Variants in SLC45A2 observed in about 807,000 individuals in gnomAD.
The protein encoded by SLC45A2 is solute carrier family 45 member 2.
Under a neutral mutation model 45.5 loss-of-function variants are expected in SLC45A2, and 36 were observed. That is an observed-to-expected ratio of 0.79 (90% CI 0.61 to 1.04). SLC45A2 has a LOEUF of 1.04. Among genes scored for constraint, SLC45A2 ranks in the 50% least tolerant of loss-of-function variants. The pLI, the probability that SLC45A2 is intolerant of heterozygous loss-of-function variation, is 0.00. For missense variants in SLC45A2, 719 were observed against 671.0 expected, an observed-to-expected ratio of 1.07 and a Z score of -0.79; for synonymous variants, 306 against 269.3, an observed-to-expected ratio of 1.14 and a Z score of -1.33.
intron 2 of SLC45A2, among the ~76,000 whole-genome samples, chr5:33,965,436 T>C (rs190832627): frequency 3.9e-5 from 6 of 152,338 alleles, no homozygotes; most frequent in East Asian, 1.9e-4. Flanking sequence ...AATCTAATCA[T>C]TGGATTCCAA....
chr5:33,944,920 T>C (rs1218871707), intron 6 of SLC45A2, 48 bp from the exon 7 acceptor site: 32 of 1,566,298 alleles, frequency 2.0e-5, no homozygotes, highest in Non-Finnish European at 2.8e-5. Flanking sequence ...GGAACTGTCA[T>C]TTAGGGCACA....
intron 3 of SLC45A2, 35 bp downstream of exon 3, chr5:33,963,656 T>C: frequency 6.2e-7 from 1 of 1,605,540 alleles, no homozygotes; most frequent in South Asian, 1.1e-5. Flanking sequence ...AGCAAGAATA[T>C]TTTCCCTTGT....
intron 3 of SLC45A2, among the ~76,000 whole-genome samples, chr5:33,955,333 G>T (rs1191148860): frequency 2.6e-5 from 4 of 152,202 alleles, no homozygotes; most frequent in African/African-American, 9.7e-5. Context: ...TTCCAGATGA[G>T]AATACAGCTC....
At chr5:33,950,368 G>A (rs1752063322) in intron 5 of SLC45A2, among the ~76,000 whole-genome samples, 4 of 152,114 alleles carry the variant, frequency 2.6e-5, no homozygotes, top group South Asian at 2.1e-4. Context: ...TTGCACACTC[G>A]AAGAGGAAGA....
intron 2 of SLC45A2, chr5:33,971,559 C>T (rs897024636): frequency 4.2e-6 from 1 of 240,506 alleles, no homozygotes; most frequent in South Asian, 5.6e-5. Context: ...CCACCTCAGC[C>T]TCCGGAGTGG....
rs760593479 is a variant in SLC45A2 at position 33,944,829 on chromosome 5, C to T, written c.1412G>A (p.Gly471Glu). 4.3e-6 allele frequency: 7 copies of T among 1,613,958 alleles called. No individual in the cohort carries two copies. Among genetic ancestry groups the T allele is most frequent in the Non-Finnish European group, 5.1e-6 (6 of 1,179,988 alleles). Reference sequence around the variant, plus strand: ...GAGGGTGGCGCAGTCCATGCCCTTCCCTCTCACGCTGTTGTCTGGGTCCCC... The same window carrying T: ...GAGGGTGGCGCAGTCCATGCCCTTCTCTCTCACGCTGTTGTCTGGGTCCCC... Reference protein sequence around the residue: ...PGGDPDNSVRGKGMDCATLTC... With the variant: ...PGGDPDNSVREKGMDCATLTC... Residue 471 changes from glycine to glutamate, a missense_variant, in exon 7 of 7, where the codon GGG (glycine) becomes GAG (glutamate). By Grantham distance (98) the Gly-to-Glu change is moderately conservative. Transcript: ENST00000296589.
At chr5:33,972,092 A>G (rs750570745) in intron 2 of SLC45A2, 8 of 511,508 alleles carry the variant, frequency 1.6e-5, no homozygotes, top group Non-Finnish European at 3.2e-5. Context: ...AGACAAGCAC[A>G]TTGGTGAAAG....
chr5:33,944,644 T>C lies in SLC45A2; in HGVS notation c.*4A>G, dbSNP rs748749994. The C allele has an allele frequency of 7.4e-6, 12 of 1,613,902 alleles. No individual in the cohort carries two copies. Among genetic ancestry groups the C allele is most frequent in the African/African-American group, 2.7e-5 (2 of 74,928 alleles). On this transcript the variant is annotated 3_prime_UTR_variant, in exon 7 of 7. Coordinates refer to ENST00000296589, the MANE Select transcript of SLC45A2 (RefSeq NM_016180.5). ...GAGGTTAGGGTCATTGTCTCTTTAT[T>C]GACCTAATCCACATATCTAACAAAG...
At chr5:33,983,457 T>C (rs1303485944) in intron 1 of SLC45A2, among the ~76,000 whole-genome samples, 1 of 152,244 alleles carries the variant, frequency 6.6e-6, no homozygotes, top group Non-Finnish European at 1.5e-5. Flanking sequence ...CTCCTGGAAA[T>C]ATCCTACATT....
intron 4 of SLC45A2, among the ~76,000 whole-genome samples, chr5:33,953,812 C>A (rs1752188830): frequency 9.8e-6 from 1 of 102,152 alleles, no homozygotes; most frequent in Admixed American, 1.2e-4. Flanking sequence ...ATTCAGGAAA[C>A]CCATCTCACG....
chr5:33,976,488 T>TA (rs1325666705), intron 2 of SLC45A2, among the ~76,000 whole-genome samples: 2 of 152,232 alleles, frequency 1.3e-5, no homozygotes, highest in Non-Finnish European at 2.9e-5. Flanking sequence ...CTGGACTGTT[T>TA]ATCTAAGCTG....
At position 33,969,137 on chromosome 5, in the gene SLC45A2, A is replaced by C. The variant is rs1752705022; in HGVS notation, c.563-5121T>G. Among the ~76,000 whole-genome samples, 4 of 151,010 alleles carry C rather than the reference A, an allele frequency of 2.6e-5. 1 individual carries two copies. The South Asian group carries it at 8.4e-4, about 32-fold the overall frequency. ...TTTGTTTATCAATAGAAATTGTTAG[A>C]GCACCTATCTTCACCAGGAACTGTG... On this transcript the variant is annotated intron_variant, in intron 2 of 6. Coordinates refer to ENST00000296589, the MANE Select transcript of SLC45A2 (RefSeq NM_016180.5).
In SLC45A2 at chr5:33,963,794, G is replaced by C; in HGVS notation, c.785C>G (p.Ser262Ter). The C allele has an allele frequency of 1.2e-6, 2 of 1,614,114 alleles. No individual in the cohort carries two copies. Among genetic ancestry groups the C allele is most frequent in the Non-Finnish European group, 1.7e-6 (2 of 1,180,000 alleles). Residue 262 changes from serine (S) to a stop codon, truncating the protein, a stop_gained, in exon 3 of 7, where the codon TCA (serine) becomes TGA (stop). Coordinates refer to ENST00000296589, the MANE Select transcript of SLC45A2 (RefSeq NM_016180.5). LOFTEE classifies it high-confidence loss of function. ...AGAACCATACTCGTACATTCCATCT[G>C]ATGACAATGGAGGGTCCTGAGGGGT... ...QQTPQDPPLSSDGMYEYGSIE... is the reference protein window; with the variant it reads ...QQTPQDPPLS
intron 2 of SLC45A2, among the ~76,000 whole-genome samples, chr5:33,969,544 T>A (rs1243764800): frequency 6.6e-6 from 1 of 152,166 alleles, no homozygotes; most frequent in African/African-American, 2.4e-5. Flanking sequence ...TATGTAACAG[T>A]AGAGAGCAGA....
intron 2 of SLC45A2, among the ~76,000 whole-genome samples, chr5:33,977,990 G>C (rs1406943373): frequency 1.3e-5 from 2 of 152,160 alleles, no homozygotes; most frequent in Non-Finnish European, 2.9e-5. Context: ...GAAGAAACTG[G>C]AGACTGGAGA....
intron 2 of SLC45A2, among the ~76,000 whole-genome samples, chr5:33,976,962 T>A: frequency 6.7e-6 from 1 of 148,404 alleles, no homozygotes; most frequent in East Asian, 2.0e-4. Flanking sequence ...GTACTCCCGA[T>A]TCCTGTGTTG....
In SLC45A2 at chr5:33,951,111, C is replaced by A. The variant is rs1008043280; in HGVS notation, c.1156+443G>T. 4.6e-5 allele frequency among the ~76,000 whole-genome samples: 7 copies of A among 152,336 alleles called. No homozygotes were observed. The East Asian group carries it at 1.2e-3, about 25-fold the overall frequency. On this transcript the variant is annotated intron_variant, in intron 5 of 6. Transcript: ENST00000296589. ...TGCTCCTATAACCCACCCAGTTACACATCTGAGCTAAGGTCATTTTGCATG... is the reference window on the plus strand; with the variant it reads ...TGCTCCTATAACCCACCCAGTTACAAATCTGAGCTAAGGTCATTTTGCATG...
intron 2 of SLC45A2, among the ~76,000 whole-genome samples, chr5:33,974,286 T>C (rs1300749043): frequency 1.3e-5 from 2 of 152,072 alleles, no homozygotes; most frequent in Admixed American, 6.6e-5. Flanking sequence ...ATATGAAAGA[T>C]AGAAGCTAGA....
chr5:33,955,001 AG>A (rs1752233493), intron 3 of SLC45A2, among the ~76,000 whole-genome samples: 1 of 152,218 alleles, frequency 6.6e-6, no homozygotes, highest in Non-Finnish European at 1.5e-5. Flanking sequence ...TTAATAATTA[AG>A]GTTATTAATC....
Sources: gnomAD v4.1 joint callset for allele counts (sites outside exome capture counted in the v4.1 genomes callset) on GRCh38, gnomAD v4.1.1 for gene constraint, MANE v1.5 for transcripts, NCBI Gene and HGNC (gene_info 2026-07-23, HGNC 2026-07-21) for gene names.